RRAS2: variants seen among roughly 807,000 people sequenced by gnomAD.
RRAS2 encodes the protein ras-related protein R-Ras2.
Under a neutral mutation model 27.6 loss-of-function variants are expected in RRAS2, and 7 were observed. That is an observed-to-expected ratio of 0.25 (90% CI 0.14 to 0.48). The LOEUF is 0.48. RRAS2 is among the 20% of genes least tolerant of loss of function. The pLI is 0.99. For missense variants in RRAS2, 178 were observed against 256.2 expected (o/e 0.69, Z 2.08); for synonymous variants, 86 against 90.9 (o/e 0.95, Z 0.31).
In RRAS2 at chr11:14,356,833, GCT is replaced by G. The variant is rs10591294; in HGVS notation, c.108+1928_108+1929del. On this transcript the variant is annotated intron_variant, in intron 1 of 5. Coordinates refer to ENST00000256196, the MANE Select transcript of RRAS2 (RefSeq NM_012250.6). The stretch of plus-strand genomic sequence containing the variant: ...TTTTTTTTTTTTGAGGCAGAGTCTC[GCT>G]CTGTTGCCCAGGCACAATCTCGGCT... 6.9e-3 allele frequency: 2,849 copies of G among 415,184 alleles called. 85 individuals carry two copies. Among genetic ancestry groups the G allele is most frequent in the African/African-American group, 0.06 (2,612 of 43,564 alleles). 25.7% of individuals were successfully genotyped at this position (415,184 alleles called of 1,614,324 possible).
rs781788778 is a variant in RRAS2, at chr11:14,294,582, TAAAA to T, written c.300-7_300-4del. 2.5e-6 allele frequency: 3 copies of T among 1,218,778 alleles called. No individual in the cohort carries two copies. Among genetic ancestry groups the T allele is most frequent in the Admixed American group, 2.4e-5 (1 of 41,480 alleles). The allele number at this position is 1,218,778 out of a possible 1,614,324, so 75.5% of individuals were successfully genotyped here. ...GAAACTTATAGATTTCTTCAAAACT[TAAAA>T]AAAAAAAATCAAAAACAAATTAATC... On this transcript the variant is annotated splice_region_variant and splice_polypyrimidine_tract_variant and intron_variant, in intron 3 of 5. Coordinates refer to ENST00000256196, the MANE Select transcript of RRAS2 (RefSeq NM_012250.6).
At chr11:14,280,676 A>C (rs1849502704) in intron 5 of RRAS2, among the ~76,000 whole-genome samples, 2 of 137,028 alleles carry the variant, frequency 1.5e-5, no homozygotes, top group Non-Finnish European at 3.1e-5. Flanking sequence ...TAATGAGCCG[A>C]GATCACACCA....
chr11:14,339,318 A>G (rs1476834392), intron 1 of RRAS2, among the ~76,000 whole-genome samples: 2 of 145,182 alleles, frequency 1.4e-5, no homozygotes, highest in Admixed American at 6.8e-5. Context: ...GAAAAAATCT[A>G]TAATAAAAAA....
intron 1 of RRAS2, among the ~76,000 whole-genome samples, chr11:14,299,543 G>C (rs1763776536): frequency 6.6e-6 from 1 of 152,134 alleles, no homozygotes; most frequent in South Asian, 2.1e-4. Context: ...GTTTTATGTA[G>C]TATGCAAAGC....
chr11:14,335,905 C>T lies in RRAS2; in HGVS notation c.108+22858G>A, dbSNP rs144295986. Among the ~76,000 whole-genome samples, 167 of 152,304 alleles carry T rather than the reference C, an allele frequency of 1.1e-3. 1 individual carries two copies. The highest frequency in any genetic ancestry group is 3.6e-3 in the African/African-American group (148 of 41,566). On this transcript the variant is annotated intron_variant, in intron 1 of 5. Transcript: ENST00000256196. ...ACCAGAACAGGACGTCCCAGCAAGACAGAAAACTTTTAGATGACAGCTGCT... is the reference window on the plus strand; with the variant it reads ...ACCAGAACAGGACGTCCCAGCAAGATAGAAAACTTTTAGATGACAGCTGCT...
chr11:14,346,714 T>C (rs1848839600), intron 1 of RRAS2, among the ~76,000 whole-genome samples: 1 of 152,250 alleles, frequency 6.6e-6, no homozygotes, highest in Non-Finnish European at 1.5e-5. Context: ...TGTAAAAAGC[T>C]GAGTGGATGT....
rs1469456221 is a variant in RRAS2 at position 14,278,741 on chromosome 11, AAC to A, written c.*594_*595del. ...TATCATCTCCAAGAGTAGGAGTAGT[AAC>A]ACAGGGTTTTATAAGCAGTTTTTAA... On this transcript the variant is annotated 3_prime_UTR_variant, in exon 6 of 6. Coordinates refer to ENST00000256196, the MANE Select transcript of RRAS2 (RefSeq NM_012250.6). 6.5e-6 allele frequency: 1 copy of A among 152,696 alleles called. No individual in the cohort carries two copies. The highest frequency in any genetic ancestry group is 1.9e-4 in the East Asian group (1 of 5,196). 9.5% of individuals were successfully genotyped at this position (152,696 alleles called of 1,614,324 possible).
chr11:14,316,466 A>T (rs1848109440), intron 1 of RRAS2, among the ~76,000 whole-genome samples: 1 of 152,208 alleles, frequency 6.6e-6, no homozygotes, highest in Non-Finnish European at 1.5e-5. Context: ...GAGGCCAGGT[A>T]CAGCAATCCA....
chr11:14,345,556 AAAG>A (rs1848811438), intron 1 of RRAS2, among the ~76,000 whole-genome samples: 1 of 152,218 alleles, frequency 6.6e-6, no homozygotes, highest in Non-Finnish European at 1.5e-5. Flanking sequence ...CAGAAGAACA[AAAG>A]AAGGAAAAAG....
chr11:14,310,808 C>T lies in RRAS2; in HGVS notation c.109-14953G>A, dbSNP rs530833195. 1.6e-4 allele frequency among the ~76,000 whole-genome samples: 24 copies of T among 152,306 alleles called. 1 individual carries two copies. In the South Asian group the frequency reaches 4.6e-3, roughly 29 times the overall value. On this transcript the variant is annotated intron_variant, in intron 1 of 5. Transcript: ENST00000256196. ...CCTAAGGTTATGCATCTCTCTTAGG[C>T]ATGGAAGGAATTCTTCCTTGTTTCT...
At chr11:14,315,528 G>T (rs1554949418) in intron 1 of RRAS2, among the ~76,000 whole-genome samples, 1 of 152,086 alleles carries the variant, frequency 6.6e-6, no homozygotes, top group African/African-American at 2.4e-5. Flanking sequence ...ATGGGATCCT[G>T]GATCAGAAAA....
intron 1 of RRAS2, among the ~76,000 whole-genome samples, chr11:14,354,135 G>C (rs893921104): frequency 6.6e-6 from 1 of 152,044 alleles, no homozygotes; most frequent in East Asian, 1.9e-4. Context: ...ATCTCTTCTC[G>C]GCTCTCTGCC....
intron 1 of RRAS2, among the ~76,000 whole-genome samples, chr11:14,317,067 G>C (rs544813404): frequency 6.6e-5 from 10 of 152,340 alleles, no homozygotes; most frequent in Non-Finnish European, 1.3e-4. Flanking sequence ...TATAGTTTCT[G>C]TGTGGTAAGA....
In RRAS2 at chr11:14,358,482, C is replaced by T. The variant is rs1849130785; in HGVS notation, c.108+281G>A. 1 of 985,696 alleles carries T rather than the reference C, an allele frequency of 1.0e-6. No individual in the cohort carries two copies. The highest frequency in any genetic ancestry group is 1.2e-6 in the Non-Finnish European group (1 of 830,190). The allele number at this position is 985,696 out of a possible 1,614,324, so 61.1% of individuals were successfully genotyped here. A position where few individuals can be genotyped will look rare whatever the true frequency, so the allele number is the denominator to read the frequency against. ...CGGAGGTCTCTGGCCTCGGCCAGAG[C>T]AATAAGGTGGATCGGTGCTTCCCAC... On this transcript the variant is annotated intron_variant, in intron 1 of 5. Transcript: ENST00000256196. This position sits in a 1 kb window ranked among gnomAD's most constrained non-coding sequence, Gnocchi z 5.1.
At chr11:14,320,998 T>C (rs1848209718) in intron 1 of RRAS2, among the ~76,000 whole-genome samples, 1 of 152,104 alleles carries the variant, frequency 6.6e-6, no homozygotes, top group Non-Finnish European at 1.5e-5. Flanking sequence ...CTGGCCAACA[T>C]GGTAAACCCC....
rs1554946243 is a variant in RRAS2 at position 14,294,372 on chromosome 11, A to ACT, written c.408+98_408+99insAG. 4 of 563,304 alleles carry ACT rather than the reference A, an allele frequency of 7.1e-6. No individual in the cohort carries two copies. In the Admixed American group the frequency reaches 1.6e-4, roughly 23 times the overall value. The allele number at this position is 563,304 out of a possible 1,614,324, so 34.9% of individuals were successfully genotyped here. The stretch of plus-strand genomic sequence containing the variant: ...ACACTTAAGTGGCATGGAGCACCGT[A>ACT]TTTTTTTTTTACTAGACTTTCAATT... On this transcript the variant is annotated intron_variant, in intron 4 of 5. Coordinates refer to ENST00000256196, the MANE Select transcript of RRAS2 (RefSeq NM_012250.6).
chr11:14,316,127 A>C (rs1554949489), intron 1 of RRAS2, among the ~76,000 whole-genome samples: 1 of 152,184 alleles, frequency 6.6e-6, no homozygotes, highest in Non-Finnish European at 1.5e-5. Flanking sequence ...TTGGACTAAA[A>C]TTTTACGTCT....
chr11:14,329,180 A>G (rs1848436384), intron 1 of RRAS2, among the ~76,000 whole-genome samples: 1 of 151,280 alleles, frequency 6.6e-6, no homozygotes, highest in Non-Finnish European at 1.5e-5. Flanking sequence ...GCGCGATCTC[A>G]GCTCACTGCA....
intron 1 of RRAS2, among the ~76,000 whole-genome samples, chr11:14,326,595 T>TA (rs1554951029): frequency 1.3e-5 from 2 of 152,196 alleles, no homozygotes; most frequent in Non-Finnish European, 2.9e-5. Context: ...GTTCTATATC[T>TA]TTATACCAGC....
Sources: gnomAD v4.1 joint callset for allele counts (sites outside exome capture counted in the v4.1 genomes callset) on GRCh38, gnomAD v4.1.1 for gene constraint, Gnocchi (gnomAD v3.1) non-coding constraint, MANE v1.5 for transcripts, NCBI Gene and HGNC (gene_info 2026-07-23, HGNC 2026-07-21) for gene names.